ITIH5: variants seen among roughly 807,000 people sequenced by gnomAD.
ITIH5 encodes inter-alpha-trypsin inhibitor heavy chain H5.
In ITIH5, 65 loss-of-function variants were observed where a neutral mutation model predicts 77.5. The ratio of observed to expected loss-of-function variants is 0.84; its 90% CI spans 0.69 to 1.03. ITIH5 has a LOEUF of 1.03. Ranked by LOEUF, ITIH5 falls within the 50% of genes least tolerant of loss-of-function variation. ITIH5 has a pLI of 0.00. For missense variants in ITIH5, 1,208 were observed against 1,213.1 expected (o/e 1.00, Z 0.06); for synonymous variants, 525 against 494.3 (o/e 1.06, Z -0.82).
At position 7,634,203 on chromosome 10, in the gene ITIH5, C is replaced by T. The variant is rs530727858; in HGVS notation, c.652+3025G>A. ...TTCTTAACACAGCCAGATCTATCAG[C>T]GGAATGTATTGGCTTGGACCTCATT... On this transcript the variant is annotated intron_variant, in intron 5 of 13. Transcript: ENST00000397146. 4.6e-5 allele frequency among the ~76,000 whole-genome samples: 7 copies of T among 152,050 alleles called. No individual in the cohort carries two copies. The South Asian group carries it at 1.5e-3, about 32-fold the overall frequency.
chr10:7,604,061 G>T (rs1190237106), intron 7 of ITIH5, among the ~76,000 whole-genome samples: 1 of 152,136 alleles, frequency 6.6e-6, no homozygotes, highest in Non-Finnish European at 1.5e-5. Context: ...GCACCTCCAG[G>T]TTCTCCCTGG....
At chr10:7,572,695 C>T in intron 11 of ITIH5, 1 of 245,950 alleles carries the variant, frequency 4.1e-6, no homozygotes, top group Non-Finnish European at 8.1e-6. Context: ...TCAGGCTCTG[C>T]CTCACACTGT....
At chr10:7,582,070 T>A (rs112428093) in intron 8 of ITIH5, among the ~76,000 whole-genome samples, 1 of 151,328 alleles carries the variant, frequency 6.6e-6, no homozygotes, top group Admixed American at 6.6e-5. Context: ...TAGAGACGGG[T>A]TTCACCATGT....
At chr10:7,658,004 T>A (rs559310993) in intron 1 of ITIH5, among the ~76,000 whole-genome samples, 1 of 152,344 alleles carries the variant, frequency 6.6e-6, no homozygotes, top group East Asian at 1.9e-4. Flanking sequence ...AATTGGGGAT[T>A]GCCGGATACC....
intron 7 of ITIH5, among the ~76,000 whole-genome samples, chr10:7,596,912 C>T (rs188132898): frequency 1.8e-3 from 272 of 151,504 alleles, no homozygotes; most frequent in African/African-American, 6.2e-3. Flanking sequence ...CCAGGCATGA[C>T]GGTGCATGCC....
intron 5 of ITIH5, 36 bp downstream of exon 5, chr10:7,637,192 C>T (rs750693099): frequency 3.0e-5 from 48 of 1,585,880 alleles, no homozygotes; most frequent in Non-Finnish European, 3.2e-5. Flanking sequence ...GGTGTTTTCA[C>T]CACAGATCTG....
At chr10:7,635,692 A>T (rs754412351) in intron 5 of ITIH5, among the ~76,000 whole-genome samples, 2 of 152,116 alleles carry the variant, frequency 1.3e-5, no homozygotes, top group Non-Finnish European at 1.5e-5. Flanking sequence ...TCATTAACTC[A>T]ACTGCATGCT....
At position 7,566,252 on chromosome 10, in the gene ITIH5, C is replaced by A; in HGVS notation, c.2305G>T (p.Asp769Tyr). ...TGGTTGCAGGGGAGCACCAGTCTGT[C>A]CCCACCATCCAAGATGACTCTGCTC... ...TPSRVILDGG[D>Y]RLVLPCNQSV... is the part of the protein sequence containing the mutation. Residue 769 changes from aspartate (D) to tyrosine (Y), a missense_variant, in exon 13 of 14, where the codon GAC (aspartate) becomes TAC (tyrosine). Physicochemically the swap from Asp to Tyr is radical, Grantham distance 160. Coordinates refer to ENST00000397146, the MANE Select transcript of ITIH5 (RefSeq NM_030569.7). 6.2e-7 allele frequency: 1 copy of A among 1,613,274 alleles called. No homozygotes were observed. Among genetic ancestry groups the A allele is most frequent in the Non-Finnish European group, 8.5e-7 (1 of 1,179,614 alleles).
At chr10:7,603,828 C>A (rs1210883881) in intron 7 of ITIH5, among the ~76,000 whole-genome samples, 2 of 152,158 alleles carry the variant, frequency 1.3e-5, no homozygotes, top group East Asian at 1.9e-4. Context: ...TGTGATCCGC[C>A]CTCCTCGGCC....
intron 1 of ITIH5, among the ~76,000 whole-genome samples, chr10:7,663,918 T>C (rs376238796): frequency 8.6e-4 from 131 of 152,348 alleles, no homozygotes; most frequent in East Asian, 3.3e-3. Context: ...AGATACTCAA[T>C]AACTGGTGGC....
At chr10:7,572,696 C>T (rs1025188444) in intron 11 of ITIH5, 10 of 245,626 alleles carry the variant, frequency 4.1e-5, no homozygotes, top group Non-Finnish European at 8.1e-5. Flanking sequence ...CAGGCTCTGC[C>T]TCACACTGTG....
intron 5 of ITIH5, among the ~76,000 whole-genome samples, chr10:7,628,963 G>A (rs201612381): frequency 3.9e-3 from 290 of 73,476 alleles, no homozygotes; most frequent in African/African-American, 9.6e-3. Flanking sequence ...GCGTGTGTCC[G>A]TGTTGTAGCA....
intron 5 of ITIH5, among the ~76,000 whole-genome samples, chr10:7,633,561 G>A (rs1252578681): frequency 6.6e-6 from 1 of 151,932 alleles, no homozygotes. Flanking sequence ...ATAGACCTAT[G>A]TTTAAATTCT....
chr10:7,625,910 A>G (rs149687466), intron 5 of ITIH5, among the ~76,000 whole-genome samples: 2 of 152,376 alleles, frequency 1.3e-5, no homozygotes, highest in Non-Finnish European at 2.9e-5. Context: ...ACAACATCTT[A>G]GACGTCTGTA....
intron 1 of ITIH5, among the ~76,000 whole-genome samples, chr10:7,666,215 G>T (rs1326930011): frequency 6.6e-6 from 1 of 152,072 alleles, no homozygotes; most frequent in Non-Finnish European, 1.5e-5. Context: ...CGCCTGCGAG[G>T]TTAAGACATT....
rs1219038679 is a variant in ITIH5 at position 7,579,825 on chromosome 10, G to A, written c.1348C>T (p.Leu450=). The A allele has an allele frequency of 1.2e-6, 2 of 1,613,780 alleles. No individual in the cohort carries two copies. Among genetic ancestry groups the A allele is most frequent in the Non-Finnish European group, 1.7e-6 (2 of 1,179,756 alleles). Reference sequence around the variant, plus strand: ...GTGAGGCCACAGTTCTCCAGCGACAGTTTCTCCAGCAGCCTGAAGTCCACG... The same window carrying A: ...GTGAGGCCACAGTTCTCCAGCGACAATTTCTCCAGCAGCCTGAAGTCCACG... The part of the protein sequence containing the change: ...NDVDFRLLEK[L]SLENCGLTRR... Residue 450 remains leucine, a synonymous_variant, in exon 9 of 14, where the codon CTG becomes TTG. Transcript: ENST00000397146.
At chr10:7,660,965 G>A (rs1413439908) in intron 1 of ITIH5, among the ~76,000 whole-genome samples, 2 of 152,198 alleles carry the variant, frequency 1.3e-5, no homozygotes, top group South Asian at 2.1e-4. Context: ...ATTAGGAATC[G>A]GGCCACACAG....
At position 7,579,983 on chromosome 10, in the gene ITIH5, C is replaced by G; in HGVS notation, c.1190G>C (p.Ser397Thr). The change falls in exon 9 of 14, where the codon AGC becomes ACC. Residue 397 changes from serine to threonine, a missense_variant. Ser to Thr is a moderately conservative substitution (Grantham distance 58). Coordinates refer to ENST00000397146, the MANE Select transcript of ITIH5 (RefSeq NM_030569.7). ...YVAHSGIGDRSVSLIVFLTDG... is the reference protein window; with the variant it reads ...YVAHSGIGDRTVSLIVFLTDG... ...CGTCAGGAAGACGATGAGGGACACG[C>G]TCCGGTCTCCAATGCCACTGTGGGC... 6.2e-7 allele frequency: 1 copy of G among 1,614,160 alleles called. No homozygotes were observed. Among genetic ancestry groups the G allele is most frequent in the South Asian group, 1.1e-5 (1 of 91,076 alleles).
chr10:7,565,409 A>G (rs1034971627), intron 13 of ITIH5, among the ~76,000 whole-genome samples: 11 of 148,696 alleles, frequency 7.4e-5, no homozygotes, highest in Admixed American at 6.7e-4. Flanking sequence ...GCACACATAC[A>G]TAGACAGTAT....
Sources: gnomAD v4.1 joint callset for allele counts (sites outside exome capture counted in the v4.1 genomes callset) on GRCh38, gnomAD v4.1.1 for gene constraint, MANE v1.5 for transcripts, NCBI Gene and HGNC (gene_info 2026-07-23, HGNC 2026-07-21) for gene names.